CDH26: variants seen among roughly 807,000 people sequenced by gnomAD.
The protein encoded by CDH26 is cadherin-like protein 26.
In CDH26, 83 loss-of-function variants were observed where a neutral mutation model predicts 90.3. That is an observed-to-expected ratio of 0.92 (90% confidence interval 0.77 to 1.10). The LOEUF (loss-of-function observed/expected upper bound fraction) is 1.10. CDH26 is among the 50% of genes least tolerant of loss of function. The pLI, the probability that CDH26 is intolerant of heterozygous loss-of-function variation, is 0.00. For missense variants in CDH26, 1,013 were observed against 1,037.6 expected (o/e 0.98, Z 0.33); for synonymous variants, 397 against 396.3 (o/e 1.00, Z -0.02).
chr20:59,963,250 G>A (rs944692274), intron 1 of CDH26, among the ~76,000 whole-genome samples: 2 of 127,188 alleles, frequency 1.6e-5, no homozygotes, highest in Non-Finnish European at 3.2e-5. Flanking sequence ...GGGTAGATAA[G>A]GATTTTTTTT....
chr20:59,980,316 T>A (rs2061379850), intron 4 of CDH26, among the ~76,000 whole-genome samples: 1 of 150,860 alleles, frequency 6.6e-6, no homozygotes, highest in Non-Finnish European at 1.5e-5. Flanking sequence ...TTTTTTGAGA[T>A]GGAGTTTCTT....
exon 9 of CDH26, chr20:60,033,810 T>C (rs1034295268): frequency 3.0e-5 from 34 of 1,135,464 alleles, no homozygotes; most frequent in Non-Finnish European, 3.8e-5. Context: ...TGTGTGATCA[T>C]GAAGAAGAAA....
At position 59,987,474 on chromosome 20, in the gene CDH26, GGCCGAGCCA is replaced by G. The variant is rs2061473364; in HGVS notation, c.863_871del (p.Arg288_Ser290del). ...TCAGTATAAGGTTCAGATTCCTGAA[GGCCGAGCCA>G]GCCAGGGCGTGTTGCGTCTCCTGGT... On this transcript the variant is annotated inframe_deletion, in exon 8 of 18. Coordinates refer to ENST00000348616, the MANE Select transcript of CDH26 (RefSeq NM_177980.4). 1 of 1,612,162 alleles carries G rather than the reference GGCCGAGCCA, an allele frequency of 6.2e-7. No individual in the cohort carries two copies. The highest frequency in any genetic ancestry group is 8.5e-7 in the Non-Finnish European group (1 of 1,179,306).
At chr20:59,996,866 C>G (rs1464607529) in intron 13 of CDH26, 105 bp downstream of exon 13, 34 of 1,445,202 alleles carry the variant, frequency 2.4e-5, no homozygotes, top group Non-Finnish European at 3.2e-5. Context: ...ATTCTTCACT[C>G]TTACCCGTGT....
At chr20:59,988,364 T>C (rs2061484037) in intron 8 of CDH26, among the ~76,000 whole-genome samples, 1 of 152,090 alleles carries the variant, frequency 6.6e-6, no homozygotes, top group South Asian at 2.1e-4. Flanking sequence ...AGTCAGCAGG[T>C]CTGGCACAGA....
chr20:60,014,533 A>G (rs1306501026), downstream of CDH26: 1 of 151,906 alleles, frequency 6.6e-6, no homozygotes, highest in Non-Finnish European at 1.5e-5. Flanking sequence ...GCTTCCACAT[A>G]TGTGTGAGGA....
At chr20:60,002,954 G>T in intron 16 of CDH26, 88 bp downstream of exon 16, 2 of 1,008,794 alleles carry the variant, frequency 2.0e-6, no homozygotes, top group Non-Finnish European at 2.8e-6. Context: ...TTGGAAATTT[G>T]GAAGGAAAGA....
chr20:60,011,055 G>A (rs1001224984), intron 17 of CDH26, among the ~76,000 whole-genome samples: 3 of 152,234 alleles, frequency 2.0e-5, no homozygotes, highest in African/African-American at 7.2e-5. Flanking sequence ...AGAAGAACAA[G>A]AAATGAGTTT....
intron 10 of CDH26, among the ~76,000 whole-genome samples, chr20:59,993,247 C>A (rs2061549693): frequency 6.6e-6 from 1 of 151,498 alleles, no homozygotes; most frequent in Non-Finnish European, 1.5e-5. Flanking sequence ...ATGATTGGTA[C>A]TTTTTTTTTC....
At chr20:60,001,593 A>G (rs1168190400) in intron 15 of CDH26, 182 bp downstream of exon 15, 3 of 985,450 alleles carry the variant, frequency 3.0e-6, no homozygotes, top group Non-Finnish European at 3.6e-6. Context: ...AGAACTAGGT[A>G]TTATTATTGG....
At chr20:59,970,291 A>C in intron 3 of CDH26, 105 bp downstream of exon 3, 2 of 1,461,702 alleles carry the variant, frequency 1.4e-6, no homozygotes, top group East Asian at 4.9e-5. Flanking sequence ...TAGTGAGGCC[A>C]GGGAGTGAAG....
chr20:59,975,902 G>A (rs1196286637), intron 4 of CDH26, among the ~76,000 whole-genome samples: 2 of 152,118 alleles, frequency 1.3e-5, no homozygotes, highest in African/African-American at 2.4e-5. Flanking sequence ...CTCCATGCAT[G>A]TACAAGAAAG....
rs925650327 is a variant in CDH26, at chr20:60,033,601, CA to C, written c.1264del (p.Lys422ArgfsTer54). The stretch of plus-strand genomic sequence containing the variant: ...GTGCGCATTCCCCATCACCCCTTAA[CA>C]AAAAGGCATGTTTCCCAGGAGACTA... On this transcript the variant is annotated frameshift_variant, in exon 9 of 9. Transcript: ENST00000370991. LOFTEE classifies it low-confidence loss of function (END_TRUNC). 1.1e-5 allele frequency: 14 copies of C among 1,304,776 alleles called. No homozygotes were observed. Among genetic ancestry groups the C allele is most frequent in the Non-Finnish European group, 1.4e-5 (14 of 989,042 alleles). The allele number at this position is 1,304,776 out of a possible 1,614,324, so 80.8% of individuals were successfully genotyped here.
At position 60,003,955 on chromosome 20, in the gene CDH26, G is replaced by A. The variant is rs1025751086; in HGVS notation, c.2220+1089G>A. Among the ~76,000 whole-genome samples, 8 of 152,138 alleles carry A rather than the reference G, an allele frequency of 5.3e-5. No homozygotes were observed. In the South Asian group the frequency reaches 8.3e-4, roughly 16 times the overall value. The stretch of plus-strand genomic sequence containing the variant: ...AAGGAGCCAGGCTGGAAACTGACAC[G>A]GCGTCTTCCTCTGGTCCTGGATGAG... On this transcript the variant is annotated intron_variant, in intron 16 of 17. Transcript: ENST00000348616.
At chr20:59,996,375 A>T in intron 12 of CDH26, 1 of 1,467,310 alleles carries the variant, frequency 6.8e-7, no homozygotes, top group Non-Finnish European at 9.0e-7. Context: ...GGCAAGGCTA[A>T]TAAGAAAGCA....
chr20:59,978,380 T>C lies in CDH26; in HGVS notation c.394-4543T>C, dbSNP rs542933405. Among the ~76,000 whole-genome samples the C allele has an allele frequency of 2.2e-4, 31 of 143,020 alleles. No individual in the cohort carries two copies. In the East Asian group the frequency reaches 6.1e-3, roughly 28 times the overall value. 93.8% of individuals were successfully genotyped at this position (143,020 alleles called of 152,430 possible). Reference sequence around the variant, plus strand: ...AGAGTTCCTATTATTTATACTTACTTTTTTTTTTTTTTTGAGATGAAGTCT... The same window carrying C: ...AGAGTTCCTATTATTTATACTTACTCTTTTTTTTTTTTTGAGATGAAGTCT... On this transcript the variant is annotated intron_variant, in intron 4 of 17. Transcript: ENST00000348616.
intron 4 of CDH26, 22 bp downstream of exon 4, chr20:59,972,145 C>A: frequency 6.2e-7 from 1 of 1,605,770 alleles, no homozygotes; most frequent in Non-Finnish European, 8.5e-7. Flanking sequence ...TTGATATATT[C>A]TAAGCTCGGA....
Position 60,021,849 on chromosome 20 carries a change from T to TACACACACACAC in CDH26, c.948-9344_948-9333dup, listed in dbSNP as rs757813328. On this transcript the variant is annotated intron_variant, in intron 7 of 8. Transcript: ENST00000370991. The stretch of plus-strand genomic sequence containing the variant: ...ATTTTGAAGCCGATATCCTTATCTG[T>TACACACACACAC]ACACACACACACACACACACACACA... Among the ~76,000 whole-genome samples, 36 of 42,608 alleles carry TACACACACACAC rather than the reference T, an allele frequency of 8.4e-4. 2 individuals are homozygous for TACACACACACAC. Among genetic ancestry groups the TACACACACACAC allele is most frequent in the African/African-American group, 1.4e-3 (22 of 15,456 alleles). The allele number at this position is 42,608 out of a possible 152,430, so 28.0% of individuals were successfully genotyped here. A position where few individuals can be genotyped will look rare whatever the true frequency, so the allele number is the denominator to read the frequency against.
intron 14 of CDH26, 128 bp from the exon 15 acceptor site, chr20:60,001,215 C>T (rs539781508): frequency 5.4e-6 from 6 of 1,111,852 alleles, no homozygotes; most frequent in South Asian, 2.9e-5. Flanking sequence ...TCCCTCTCAT[C>T]GTGTTAATTT....
Sources: gnomAD v4.1 joint callset for allele counts (sites outside exome capture counted in the v4.1 genomes callset) on GRCh38, gnomAD v4.1.1 for gene constraint, MANE v1.5 for transcripts, NCBI Gene and HGNC (gene_info 2026-07-23, HGNC 2026-07-21) for gene names.